IMMP2L: variants seen among roughly 807,000 people sequenced by gnomAD.
The protein encoded by IMMP2L is mitochondrial inner membrane protease subunit 2.
IMMP2L carries 18 observed loss-of-function variants against 19.3 expected under a neutral mutation model. That is an observed-to-expected ratio of 0.93 (90% CI 0.64 to 1.38). IMMP2L has a LOEUF of 1.38. Among genes scored for constraint, IMMP2L ranks in the 40% most tolerant of loss-of-function variants. The pLI is 0.00. For synonymous variants in IMMP2L, 76 were observed against 73.0 expected (o/e 1.04, Z -0.21); for missense variants, 233 against 218.2 (o/e 1.07, Z -0.43).
At chr7:110,872,526 C>G (rs536527330) in intron 5 of IMMP2L, among the ~76,000 whole-genome samples, 10 of 152,268 alleles carry the variant, frequency 6.6e-5, no homozygotes, top group African/African-American at 2.4e-4. Context: ...CTGGCATCAA[C>G]AAGATAAGGT....
At chr7:111,353,241 C>A (rs758109963) in intron 3 of IMMP2L, among the ~76,000 whole-genome samples, 25 of 152,160 alleles carry the variant, frequency 1.6e-4, no homozygotes, top group Admixed American at 3.3e-4. Context: ...ATGCTCAAAT[C>A]TTCAACTAAA....
At chr7:110,961,313 C>T (rs1414889597) in intron 4 of IMMP2L, among the ~76,000 whole-genome samples, 2 of 151,822 alleles carry the variant, frequency 1.3e-5, no homozygotes, top group African/African-American at 2.4e-5. Flanking sequence ...TATAACTATG[C>T]ACATCCCCAA....
intron 3 of IMMP2L, among the ~76,000 whole-genome samples, chr7:111,236,426 T>A (rs901907613): frequency 6.6e-6 from 1 of 152,146 alleles, no homozygotes; most frequent in Admixed American, 6.6e-5. Flanking sequence ...TAGGCAATAT[T>A]CTTCTGGTTA....
intron 5 of IMMP2L, among the ~76,000 whole-genome samples, chr7:110,786,537 G>C (rs1279587639): frequency 1.3e-5 from 2 of 151,934 alleles, no homozygotes; most frequent in African/African-American, 4.8e-5. Context: ...TGGCACTCAC[G>C]TACCAGCCCT....
intron 2 of IMMP2L, among the ~76,000 whole-genome samples, chr7:111,487,668 C>T (rs1415031288): frequency 6.6e-6 from 1 of 152,190 alleles, no homozygotes; most frequent in East Asian, 1.9e-4. Flanking sequence ...AGTCAAACCT[C>T]CTAACAAAAT....
intron 3 of IMMP2L, among the ~76,000 whole-genome samples, chr7:111,451,236 C>G (rs933835217): frequency 6.8e-6 from 1 of 146,434 alleles, no homozygotes; most frequent in Non-Finnish European, 1.5e-5. Context: ...GACTATAAAT[C>G]ATGCTGCTAT....
intron 5 of IMMP2L, among the ~76,000 whole-genome samples, chr7:110,839,627 C>A (rs759867388): frequency 6.6e-6 from 1 of 151,902 alleles, no homozygotes; most frequent in East Asian, 1.9e-4. Flanking sequence ...AACGTGTGCA[C>A]ATATATTTTA....
At chr7:111,124,141 A>G (rs1460485591) in intron 3 of IMMP2L, 1 of 1,614,020 alleles carries the variant, frequency 6.2e-7, no homozygotes, top group Non-Finnish European at 8.5e-7. Context: ...AATCTACTGG[A>G]TAACACCTTC....
chr7:111,489,777 A>G (rs1842943378), intron 2 of IMMP2L, among the ~76,000 whole-genome samples: 1 of 152,080 alleles, frequency 6.6e-6, no homozygotes. Context: ...ATAATACCTA[A>G]ATCCCTAACT....
At chr7:111,396,037 G>A (rs180987542) in intron 3 of IMMP2L, among the ~76,000 whole-genome samples, 1 of 152,258 alleles carries the variant, frequency 6.6e-6, no homozygotes, top group African/African-American at 2.4e-5. Flanking sequence ...GTTGGTGGGA[G>A]TGTAAATTAG....
At chr7:111,021,211 C>T (rs141040792) in intron 3 of IMMP2L, among the ~76,000 whole-genome samples, 2 of 152,178 alleles carry the variant, frequency 1.3e-5, no homozygotes, top group African/African-American at 4.8e-5. Flanking sequence ...TTCCTCATGG[C>T]AGACAAAACA....
chr7:111,175,879 C>T (rs887871227), intron 3 of IMMP2L, among the ~76,000 whole-genome samples: 1 of 151,556 alleles, frequency 6.6e-6, no homozygotes, highest in African/African-American at 2.4e-5. Context: ...AAGTGTCCAC[C>T]TGAGAAGGGA....
chr7:111,417,827 T>C (rs530619940), intron 3 of IMMP2L, among the ~76,000 whole-genome samples: 1 of 152,008 alleles, frequency 6.6e-6, no homozygotes, highest in South Asian at 2.1e-4. Flanking sequence ...CATTTCTTTT[T>C]TCTTTTTGAT....
intron 3 of IMMP2L, among the ~76,000 whole-genome samples, chr7:110,988,365 T>C (rs996727408): frequency 2.0e-5 from 3 of 152,110 alleles, no homozygotes; most frequent in African/African-American, 7.2e-5. Context: ...AAACAGATAG[T>C]AGAGGTTCAA....
chr7:111,266,097 CTTAGT>C (rs1340875615), intron 3 of IMMP2L, among the ~76,000 whole-genome samples: 3 of 152,154 alleles, frequency 2.0e-5, no homozygotes, highest in South Asian at 2.1e-4. Context: ...ATTTTACTTA[CTTAGT>C]TTATTGTCTG....
intron 5 of IMMP2L, among the ~76,000 whole-genome samples, chr7:110,729,183 G>T (rs531846361): frequency 1.2e-4 from 18 of 152,198 alleles, no homozygotes; most frequent in Middle Eastern, 3.4e-3. Context: ...GTGCCCAGCC[G>T]TATTAGTCTG....
At chr7:111,201,446 T>C (rs769398610) in intron 3 of IMMP2L, among the ~76,000 whole-genome samples, 3 of 152,130 alleles carry the variant, frequency 2.0e-5, no homozygotes, top group Non-Finnish European at 4.4e-5. Context: ...CTGGGCACAG[T>C]GGCTCACACC....
At chr7:111,297,828 T>TATACATATATAAATGTATACATGTATA (rs1821794169) in intron 3 of IMMP2L, among the ~76,000 whole-genome samples, 2 of 151,992 alleles carry the variant, frequency 1.3e-5, no homozygotes, top group Non-Finnish European at 2.9e-5. Context: ...ACTGTATAAG[T>TATACATATATAAATGTATACATGTATA]CCATTTATAC....
chr7:111,337,969 A>G (rs1826614132), intron 3 of IMMP2L, among the ~76,000 whole-genome samples: 1 of 152,150 alleles, frequency 6.6e-6, no homozygotes, highest in South Asian at 2.1e-4. Context: ...TCTGCACATA[A>G]TCCAGTTGGA....
Sources: gnomAD v4.1 joint callset for allele counts (sites outside exome capture counted in the v4.1 genomes callset) on GRCh38, gnomAD v4.1.1 for gene constraint, MANE v1.5 for transcripts, NCBI Gene and HGNC (gene_info 2026-07-23, HGNC 2026-07-21) for gene names.